CLASP2: variants seen among roughly 807,000 people sequenced by gnomAD.
The protein encoded by CLASP2 is CLIP-associating protein 2.
Under a neutral mutation model 194.4 loss-of-function variants are expected in CLASP2, and 47 were observed. The observed-to-expected ratio is 0.24, with a 90% confidence interval of 0.19 to 0.31. The LOEUF is 0.31. Ranked by LOEUF, CLASP2 falls within the 10% of genes least tolerant of loss-of-function variation. CLASP2 has a pLI of 1.00. For synonymous variants in CLASP2, 619 were observed against 633.5 expected (o/e 0.98, Z 0.34); for missense variants, 1,445 against 1,823.6 (o/e 0.79, Z 3.78).
chr3:33,510,072 C>A (rs1575656129), intron 37 of CLASP2, among the ~76,000 whole-genome samples: 1 of 152,112 alleles, frequency 6.6e-6, no homozygotes, highest in South Asian at 2.1e-4. Context: ...GAATGAAATT[C>A]TAATACAAGC....
At chr3:33,514,669 TG>T in intron 36 of CLASP2, 1 of 345,246 alleles carries the variant, frequency 2.9e-6, no homozygotes, top group Non-Finnish European at 6.1e-6. Context: ...ATCCCACTAT[TG>T]GGTATCTACC....
intron 6 of CLASP2, among the ~76,000 whole-genome samples, chr3:33,669,347 C>A (rs2086738314): frequency 6.6e-6 from 1 of 151,998 alleles, no homozygotes; most frequent in Admixed American, 6.6e-5. Flanking sequence ...TGTCTTCATA[C>A]ATTAGGGTAA....
chr3:33,704,821 T>C (rs956882255), intron 1 of CLASP2, among the ~76,000 whole-genome samples: 2 of 152,094 alleles, frequency 1.3e-5, no homozygotes, highest in South Asian at 4.2e-4. Flanking sequence ...TCAACATTAT[T>C]AGTCATTAAA....
At chr3:33,571,813 G>C (rs1187567110) in intron 25 of CLASP2, among the ~76,000 whole-genome samples, 1 of 152,032 alleles carries the variant, frequency 6.6e-6, no homozygotes, top group Non-Finnish European at 1.5e-5. Context: ...TTTAAAAACA[G>C]AAACAACAAC....
At chr3:33,574,787 A>G (rs1560105800) in intron 24 of CLASP2, among the ~76,000 whole-genome samples, 1 of 152,114 alleles carries the variant, frequency 6.6e-6, no homozygotes, top group Non-Finnish European at 1.5e-5. Context: ...AGTTAAGTGT[A>G]TTTCTATGAT....
At chr3:33,664,084 T>G (rs1220838678) in intron 6 of CLASP2, among the ~76,000 whole-genome samples, 1 of 152,194 alleles carries the variant, frequency 6.6e-6, no homozygotes. Context: ...TCACTTTTCT[T>G]AGTTAAAAAT....
At chr3:33,559,156 C>T (rs1277166958) in intron 29 of CLASP2, 151 bp downstream of exon 29, 8 of 701,748 alleles carry the variant, frequency 1.1e-5, no homozygotes, top group Non-Finnish European at 2.1e-5. Context: ...AAGCTGGTCC[C>T]GAAGTGCTGG....
intron 25 of CLASP2, among the ~76,000 whole-genome samples, chr3:33,571,394 C>T (rs1228843043): frequency 5.3e-5 from 8 of 151,428 alleles, no homozygotes; most frequent in African/African-American, 2.4e-5. Context: ...TTTGGAAGGT[C>T]GAGGTGGGCA....
At chr3:33,568,133 C>T (rs940455822) in intron 26 of CLASP2, among the ~76,000 whole-genome samples, 4 of 152,064 alleles carry the variant, frequency 2.6e-5, no homozygotes, top group South Asian at 2.1e-4. Flanking sequence ...TTAGTGTCAA[C>T]GACAAAGAGT....
At chr3:33,533,390 A>G (rs965936995) in intron 34 of CLASP2, among the ~76,000 whole-genome samples, 3 of 152,230 alleles carry the variant, frequency 2.0e-5, no homozygotes, top group Non-Finnish European at 4.4e-5. Context: ...ATTTGTGAAT[A>G]TATTAAAGAG....
intron 30 of CLASP2, among the ~76,000 whole-genome samples, chr3:33,547,322 G>A (rs1040329993): frequency 1.3e-5 from 2 of 152,144 alleles, no homozygotes; most frequent in Non-Finnish European, 2.9e-5. Flanking sequence ...CTCCCTCTCT[G>A]CCTGCTGACA....
chr3:33,630,997 G>T (rs1340541042), intron 9 of CLASP2, among the ~76,000 whole-genome samples: 1 of 152,126 alleles, frequency 6.6e-6, no homozygotes, highest in Non-Finnish European at 1.5e-5. Context: ...TCAATAAAGG[G>T]ATAAAATACA....
Position 33,689,796 on chromosome 3 carries a change from T to TA in CLASP2, c.378+32dup, listed in dbSNP as rs1446602075. On this transcript the variant is annotated intron_variant, in intron 3 of 38. Coordinates refer to ENST00000682230, the MANE Select transcript of CLASP2 (RefSeq NM_001365631.1). Reference sequence around the variant, plus strand: ...TTTAATGATTTCCTGTGATTACCATTAGCAAAATCTGAATTTTAAAATGTA... The same window carrying TA: ...TTTAATGATTTCCTGTGATTACCATTAAGCAAAATCTGAATTTTAAAATGTA... 6 of 1,446,692 alleles carry TA rather than the reference T, an allele frequency of 4.1e-6. No individual in the cohort carries two copies. The South Asian group carries it at 8.2e-5, about 20-fold the overall frequency. 89.6% of individuals were successfully genotyped at this position (1,446,692 alleles called of 1,614,324 possible). A position where few individuals can be genotyped will look rare whatever the true frequency, so the allele number is the denominator to read the frequency against.
chr3:33,510,844 T>G, intron 36 of CLASP2, 80 bp from the exon 37 acceptor site: 1 of 1,227,210 alleles, frequency 8.1e-7, no homozygotes, highest in Non-Finnish European at 1.1e-6. Flanking sequence ...CTTCATGAAG[T>G]ATTCAATATA....
At chr3:33,680,041 C>T (rs1055190509) in intron 6 of CLASP2, among the ~76,000 whole-genome samples, 1 of 152,046 alleles carries the variant, frequency 6.6e-6, no homozygotes, top group African/African-American at 2.4e-5. Flanking sequence ...AAGTTTTCAA[C>T]CCTAAAAAGA....
intron 26 of CLASP2, among the ~76,000 whole-genome samples, 195 bp downstream of exon 26, chr3:33,570,532 T>A (rs538355059): frequency 6.6e-6 from 1 of 152,270 alleles, no homozygotes; most frequent in African/African-American, 2.4e-5. Flanking sequence ...TTAGACCATC[T>A]ATCATTGGAG....
intron 16 of CLASP2, among the ~76,000 whole-genome samples, chr3:33,604,410 C>T (rs1445512993): frequency 9.2e-5 from 14 of 151,668 alleles, no homozygotes; most frequent in African/African-American, 3.4e-4. Context: ...CTTGACTTCC[C>T]AGACTCAAGT....
intron 1 of CLASP2, among the ~76,000 whole-genome samples, chr3:33,701,244 CAATATT>C (rs1364207538): frequency 1.3e-5 from 2 of 152,022 alleles, no homozygotes; most frequent in Admixed American, 6.6e-5. Context: ...ATACTCATAT[CAATATT>C]GAGTAAGAAA....
In CLASP2 at chr3:33,664,853, A is replaced by G. The variant is rs2154334631; in HGVS notation, c.645-1338T>C. On this transcript the variant is annotated intron_variant, in intron 6 of 38. Transcript: ENST00000682230. ...GGTGGCTCATGCCTATAATCCCAACACTTTGGGAGGCCAAGCAGCGCAGAT... is the reference window on the plus strand; with the variant it reads ...GGTGGCTCATGCCTATAATCCCAACGCTTTGGGAGGCCAAGCAGCGCAGAT... Among the ~76,000 whole-genome samples, 8 of 151,832 alleles carry G rather than the reference A, an allele frequency of 5.3e-5. 1 individual carries two copies. The South Asian group carries it at 1.7e-3, about 32-fold the overall frequency.
Sources: gnomAD v4.1 joint callset for allele counts (sites outside exome capture counted in the v4.1 genomes callset) on GRCh38, gnomAD v4.1.1 for gene constraint, MANE v1.5 for transcripts, NCBI Gene and HGNC (gene_info 2026-07-23, HGNC 2026-07-21) for gene names.